Variants in AGAP1 observed in about 807,000 individuals in gnomAD.
The protein encoded by AGAP1 is ArfGAP with GTPase domain, ankyrin repeat and PH domain 1.
In AGAP1, 29 loss-of-function variants were observed where a neutral mutation model predicts 105.3. The observed-to-expected ratio is 0.28, with a 90% confidence interval of 0.21 to 0.38. The LOEUF is 0.38. Among genes scored for constraint, AGAP1 ranks in the 10% least tolerant of loss-of-function variants. The pLI is 1.00. For missense variants in AGAP1, 998 were observed against 1,165.1 expected (o/e 0.86, Z 2.09); for synonymous variants, 509 against 485.9 (o/e 1.05, Z -0.63).
intron 3 of AGAP1, among the ~76,000 whole-genome samples, chr2:235,735,601 G>A (rs1360400458): frequency 6.6e-6 from 1 of 151,908 alleles, no homozygotes; most frequent in Non-Finnish European, 1.5e-5. Flanking sequence ...GAGTGTAGCT[G>A]TATCCTTTTC....
rs140458133 is a variant in AGAP1 at position 235,741,045 on chromosome 2, G to T, written c.393G>T (p.Ala131=). The change falls in exon 4 of 18, where the codon GCG becomes GCT. Residue 131 remains alanine (A), a synonymous_variant. Coordinates refer to ENST00000304032, the MANE Select transcript of AGAP1 (RefSeq NM_001037131.3). This position sits in a 1 kb window ranked among gnomAD's most constrained non-coding sequence, Gnocchi z 4.9. ...GAGATGAAGGGGGCCCCCCGGAGGC[G>T]CAGGTGAGTATACATGCATGCCCCA... The part of the protein sequence containing the change: ...LIRDEGGPPE[A]QFAMWVDAVI... 2.7e-4 allele frequency: 441 copies of T among 1,613,864 alleles called. 1 individual carries two copies. In the African/African-American group the frequency reaches 5.0e-3, roughly 18 times the overall value.
At chr2:235,859,085 G>A (rs2048806151) in intron 9 of AGAP1, among the ~76,000 whole-genome samples, 1 of 152,138 alleles carries the variant, frequency 6.6e-6, no homozygotes, top group Non-Finnish European at 1.5e-5. Flanking sequence ...CACTAATGTT[G>A]TCTCGATCTT....
rs950413355 is a variant in AGAP1 at position 236,012,402 on chromosome 2, G to A, written c.1646-24159G>A. 8.5e-5 allele frequency among the ~76,000 whole-genome samples: 13 copies of A among 152,094 alleles called. No individual in the cohort carries two copies. Among genetic ancestry groups the A allele is most frequent in the South Asian group, 2.1e-4 (1 of 4,824 alleles). On this transcript the variant is annotated intron_variant, in intron 13 of 17. Transcript: ENST00000304032. The surrounding 1 kb of genome is among the most constrained non-coding windows in gnomAD (Gnocchi z 4.9). The stretch of plus-strand genomic sequence containing the variant: ...ATGGCTACCTCTTTCTGGAACTTGC[G>A]AAATACTGTCCCAGACACCAGAGCT...
intron 1 of AGAP1, among the ~76,000 whole-genome samples, chr2:235,693,599 T>C (rs1489310719): frequency 6.6e-6 from 1 of 152,176 alleles, no homozygotes; most frequent in Non-Finnish European, 1.5e-5. Context: ...GGCTCACGGC[T>C]GTAGTCCTAG....
At chr2:235,657,393 A>G (rs191752630) in intron 1 of AGAP1, among the ~76,000 whole-genome samples, 20 of 152,174 alleles carry the variant, frequency 1.3e-4, no homozygotes, top group Admixed American at 3.9e-4. Flanking sequence ...TGTTATTATT[A>G]TTTGAGGTGG....
At chr2:236,094,901 A>G (rs1372511436) in intron 16 of AGAP1, among the ~76,000 whole-genome samples, 2 of 136,982 alleles carry the variant, frequency 1.5e-5, no homozygotes, top group Admixed American at 7.5e-5. Flanking sequence ...CCTAGGCATC[A>G]CAGCAAGAGA....
chr2:235,650,205 AC>A (rs1442932270), intron 1 of AGAP1, among the ~76,000 whole-genome samples: 1 of 152,170 alleles, frequency 6.6e-6, no homozygotes, highest in Non-Finnish European at 1.5e-5. Context: ...TACTAAAAAT[AC>A]AAAAATTAGC....
chr2:235,950,984 C>CA (rs770085727), intron 12 of AGAP1, among the ~76,000 whole-genome samples: 1 of 138,690 alleles, frequency 7.2e-6, no homozygotes, highest in African/African-American at 2.6e-5. Flanking sequence ...GTGGTGCAAA[C>CA]AAAGTCAGTT....
rs1480295447 is a variant in AGAP1, at chr2:235,692,590, G to C, written c.164-16589G>C. 6.6e-6 allele frequency among the ~76,000 whole-genome samples: 1 copy of C among 150,926 alleles called. No individual in the cohort carries two copies. The highest frequency in any genetic ancestry group is 6.6e-5 in the Admixed American group (1 of 15,164). ...CCTTGCCCTCCCCCCTTGCCTTCCT[G>C]GGCCATCCTTTTCTGACTCAGCCTC... On this transcript the variant is annotated intron_variant, in intron 1 of 17. Transcript: ENST00000304032. The surrounding 1 kb of genome is among the most constrained non-coding windows in gnomAD (Gnocchi z 5.8).
At chr2:235,832,173 T>C (rs561146571) in intron 9 of AGAP1, among the ~76,000 whole-genome samples, 1 of 152,352 alleles carries the variant, frequency 6.6e-6, no homozygotes, top group South Asian at 2.1e-4. Flanking sequence ...TTTCTTATTG[T>C]TGATTTTAAG....
intron 1 of AGAP1, among the ~76,000 whole-genome samples, chr2:235,698,732 G>A (rs1312828548): frequency 6.6e-6 from 1 of 152,260 alleles, no homozygotes; most frequent in East Asian, 1.9e-4. Flanking sequence ...TGGCGTTCTG[G>A]TGGTGGCGCT....
Position 235,682,336 on chromosome 2 carries a change from GGTTTT to G in AGAP1, c.164-26823_164-26819del, listed in dbSNP as rs199516786. Among the ~76,000 whole-genome samples, 61 of 151,508 alleles carry G rather than the reference GGTTTT, an allele frequency of 4.0e-4. 2 individuals carry two copies. In the East Asian group the frequency reaches 0.01, roughly 26 times the overall value. On this transcript the variant is annotated intron_variant, in intron 1 of 17. Coordinates refer to ENST00000304032, the MANE Select transcript of AGAP1 (RefSeq NM_001037131.3). ...TGGAACCAGGATCCTGTTTTGTGGGGGTTTTGTTTTGTTTTGTTTTGTTTGAGATG... is the reference window on the plus strand; with the variant it reads ...TGGAACCAGGATCCTGTTTTGTGGGGGTTTTGTTTTGTTTTGTTTGAGATG...
chr2:235,847,999 C>G (rs528750608), intron 9 of AGAP1, among the ~76,000 whole-genome samples: 14 of 152,336 alleles, frequency 9.2e-5, no homozygotes, highest in Non-Finnish European at 1.6e-4. Flanking sequence ...AGCTTTTGGT[C>G]AGTTCTATAA....
chr2:235,757,098 A>C (rs970709569), intron 6 of AGAP1, among the ~76,000 whole-genome samples: 19 of 152,242 alleles, frequency 1.2e-4, no homozygotes, highest in Non-Finnish European at 2.4e-4. Context: ...GCTTGTATTC[A>C]TATGACCATA....
In AGAP1 at chr2:235,879,365, G is replaced by C. The variant is rs1055989953; in HGVS notation, c.1051-3980G>C. Among the ~76,000 whole-genome samples, 1 of 152,170 alleles carries C rather than the reference G, an allele frequency of 6.6e-6. No homozygotes were observed. Among genetic ancestry groups the C allele is most frequent in the African/African-American group, 2.4e-5 (1 of 41,426 alleles). ...CTCTTGGTCGCCACAGCAATTCTTG[G>C]GGGGGTCAGATAATAAACCCAACTG... On this transcript the variant is annotated intron_variant, in intron 9 of 17. Transcript: ENST00000304032. The surrounding 1 kb of genome is among the most constrained non-coding windows in gnomAD (Gnocchi z 5.0).
At position 235,979,484 on chromosome 2, in the gene AGAP1, C is replaced by G. The variant is rs2054999271; in HGVS notation, c.1645+10861C>G. On this transcript the variant is annotated intron_variant, in intron 13 of 17. Transcript: ENST00000304032. This position sits in a 1 kb window ranked among gnomAD's most constrained non-coding sequence, Gnocchi z 4.5. ...TTGGAGAAGGTGTAGTTGAGATAAA[C>G]TTTGTGTGTTTATTTAGTAATCTTT... 6.6e-6 allele frequency among the ~76,000 whole-genome samples: 1 copy of G among 152,186 alleles called. No homozygotes were observed.
At chr2:235,748,542 A>G (rs923259904) in intron 5 of AGAP1, among the ~76,000 whole-genome samples, 2 of 152,220 alleles carry the variant, frequency 1.3e-5, no homozygotes, top group African/African-American at 4.8e-5. Flanking sequence ...GGTGCAGCCT[A>G]TGGAGGCTGT....
intron 16 of AGAP1, among the ~76,000 whole-genome samples, chr2:236,091,563 A>C (rs1462557103): frequency 6.6e-6 from 1 of 152,162 alleles, no homozygotes; most frequent in Non-Finnish European, 1.5e-5. Context: ...TTGAGCCACG[A>C]GAGTTCAAGA....
intron 1 of AGAP1, among the ~76,000 whole-genome samples, chr2:235,540,208 T>C (rs968179341): frequency 1.3e-5 from 2 of 149,798 alleles, no homozygotes; most frequent in Admixed American, 1.3e-4. Flanking sequence ...TGGAGTGCAG[T>C]GGTGCAGTCT....
Sources: allele counts gnomAD v4.1 joint callset (sites outside exome capture counted in the v4.1 genomes callset), GRCh38; gene constraint gnomAD v4.1.1; non-coding constraint Gnocchi (gnomAD v3.1); transcripts MANE v1.5; gene names NCBI Gene and HGNC (gene_info 2026-07-23, HGNC 2026-07-21).